The following CCDC171 variants were observed in gnomAD, a reference collection of about 807,000 sequenced individuals.
CCDC171 encodes coiled-coil domain-containing protein 171.
In CCDC171, 177 loss-of-function variants were observed where a neutral mutation model predicts 168.2. The ratio of observed to expected loss-of-function variants is 1.05; its 90% CI spans 0.93 to 1.19. CCDC171 has a LOEUF of 1.19. CCDC171 is among the 50% of genes most tolerant of loss of function. The probability of loss-of-function intolerance (pLI) is 0.00; values close to 1 mark genes in which losing one functional copy is unlikely to be tolerated. For missense variants in CCDC171, 1,991 were observed against 1,539.0 expected, an observed-to-expected ratio of 1.29 and a Z score of -4.91; for synonymous variants, 687 against 540.8, an observed-to-expected ratio of 1.27 and a Z score of -3.75.
intron 16 of CCDC171, among the ~76,000 whole-genome samples, chr9:15,738,062 A>C (rs2054609538): frequency 6.6e-6 from 1 of 152,248 alleles, no homozygotes; most frequent in African/African-American, 2.4e-5. Context: ...TAAAAATAAG[A>C]CACTTTAAAT....
At chr9:16,039,588 C>A (rs1244495887), upstream of CCDC171, among the ~76,000 whole-genome samples, 1 of 152,158 alleles carries the variant, frequency 6.6e-6, no homozygotes, top group Non-Finnish European at 1.5e-5. Context: ...GGCGCTGTTC[C>A]ATAAACTCGT....
intron 23 of CCDC171, among the ~76,000 whole-genome samples, 167 bp from the exon 24 acceptor site, chr9:15,874,365 A>T (rs1817563269): frequency 6.6e-6 from 1 of 152,104 alleles, no homozygotes; most frequent in Non-Finnish European, 1.5e-5. Flanking sequence ...CAGCACTCTG[A>T]ATTAGAGATT....
intron 6 of CCDC171, among the ~76,000 whole-genome samples, chr9:15,603,524 A>G (rs891163902): frequency 6.6e-6 from 1 of 151,808 alleles, no homozygotes; most frequent in African/African-American, 2.4e-5. Context: ...CTGTCCCTGC[A>G]TTAGTTTGCT....
At chr9:15,740,519 C>T (rs1395040464) in intron 16 of CCDC171, among the ~76,000 whole-genome samples, 1 of 152,056 alleles carries the variant, frequency 6.6e-6, no homozygotes, top group Non-Finnish European at 1.5e-5. Flanking sequence ...GCTGCAACCT[C>T]TGCTTTTCAG....
chr9:15,952,110 C>G (rs185257221), intron 25 of CCDC171, among the ~76,000 whole-genome samples: 2 of 152,230 alleles, frequency 1.3e-5, no homozygotes, highest in East Asian at 1.9e-4. Context: ...ACATGCAGTT[C>G]TCCTAGCACT....
At chr9:15,667,313 G>A (rs1423919843) in intron 9 of CCDC171, among the ~76,000 whole-genome samples, 3 of 152,078 alleles carry the variant, frequency 2.0e-5, no homozygotes, top group Admixed American at 2.0e-4. Context: ...AGTAGATAAT[G>A]GTTTTCCATT....
chr9:15,996,919 T>C (rs1446079799), intron 3 of CCDC171, among the ~76,000 whole-genome samples: 1 of 152,152 alleles, frequency 6.6e-6, no homozygotes, highest in Non-Finnish European at 1.5e-5. Flanking sequence ...GAAAGAATAA[T>C]GAACAGGGCT....
downstream of CCDC171, chr9:16,061,777 A>G (rs970967791): frequency 2.6e-5 from 4 of 152,156 alleles, no homozygotes; most frequent in Admixed American, 6.5e-5. Flanking sequence ...AGATAAGGAG[A>G]CTGAGTCTTA....
chr9:15,813,636 ATT>A (rs2059447183), intron 21 of CCDC171, among the ~76,000 whole-genome samples: 1 of 151,598 alleles, frequency 6.6e-6, no homozygotes, highest in African/African-American at 2.4e-5. Flanking sequence ...ATATATATAT[ATT>A]AAACTATATG....
chr9:16,057,249 C>A (rs769751065), intron 1 of CCDC171, among the ~76,000 whole-genome samples: 48 of 152,162 alleles, frequency 3.2e-4, no homozygotes, highest in Non-Finnish European at 6.6e-4. Flanking sequence ...CATGAAGGTT[C>A]AGTTCCCAAA....
At chr9:15,640,187 T>C (rs1316967695) in intron 7 of CCDC171, among the ~76,000 whole-genome samples, 1 of 152,304 alleles carries the variant, frequency 6.6e-6, no homozygotes, top group South Asian at 2.1e-4. Flanking sequence ...TGAATATAAA[T>C]GTAAAATGTT....
intron 6 of CCDC171, among the ~76,000 whole-genome samples, chr9:15,608,000 A>G (rs1035649145): frequency 1.1e-4 from 16 of 152,182 alleles, no homozygotes; most frequent in East Asian, 3.9e-4. Context: ...GCATCTGACG[A>G]TGGCCTTCTT....
intron 21 of CCDC171, among the ~76,000 whole-genome samples, chr9:15,806,420 A>G (rs1169396322): frequency 2.0e-5 from 3 of 152,060 alleles, no homozygotes. Flanking sequence ...CTCTTGTAAC[A>G]CAGGTCTGGT....
intron 4 of CCDC171, among the ~76,000 whole-genome samples, chr9:15,582,190 C>T (rs2041178260): frequency 6.6e-6 from 1 of 152,232 alleles, no homozygotes; most frequent in Admixed American, 6.5e-5. Context: ...GTCATCATCA[C>T]TGGTCATTAG....
chr9:15,554,247 C>G (rs1270625877), intron 1 of CCDC171, among the ~76,000 whole-genome samples: 2 of 152,158 alleles, frequency 1.3e-5, no homozygotes, highest in African/African-American at 4.8e-5. Flanking sequence ...GTCTCGATCT[C>G]CTGACATCGT....
At chr9:15,884,992 A>G (rs531700901) in intron 24 of CCDC171, among the ~76,000 whole-genome samples, 10 of 152,314 alleles carry the variant, frequency 6.6e-5, no homozygotes, top group Admixed American at 2.0e-4. Flanking sequence ...GTTTCCTTCC[A>G]GTTAAGTATA....
intron 21 of CCDC171, among the ~76,000 whole-genome samples, chr9:15,840,948 A>G (rs1272517804): frequency 1.3e-5 from 2 of 151,926 alleles, no homozygotes. Flanking sequence ...ATTATATTTT[A>G]TTATTGATCA....
the CCDC171 span, among the ~76,000 whole-genome samples, chr9:16,103,801 C>G: frequency 1.3e-5 from 2 of 152,130 alleles, no homozygotes; most frequent in Admixed American, 6.5e-5. Flanking sequence ...GGCCTGCCCC[C>G]CAGTGATTTA....
At chr9:15,596,300 CCAT>C (rs1245345057) in intron 6 of CCDC171, among the ~76,000 whole-genome samples, 3 of 151,940 alleles carry the variant, frequency 2.0e-5, no homozygotes. Context: ...AGTCTTTAAT[CCAT>C]CTTGAATTAA....
Sources: allele counts gnomAD v4.1 joint callset (sites outside exome capture counted in the v4.1 genomes callset), GRCh38; gene constraint gnomAD v4.1.1; transcripts MANE v1.5; gene names NCBI Gene and HGNC (gene_info 2026-07-23, HGNC 2026-07-21).